TMED3: variants seen among roughly 807,000 people sequenced by gnomAD.
TMED3 encodes the protein transmembrane p24 trafficking protein 3.
In TMED3, 9 loss-of-function variants were observed where a neutral mutation model predicts 15.0. The observed-to-expected ratio is 0.60, with a 90% CI of 0.36 to 1.04. The LOEUF (loss-of-function observed/expected upper bound fraction) is 1.04. Ranked by LOEUF, TMED3 falls within the 50% of genes least tolerant of loss-of-function variation. TMED3 has a pLI of 0.01. For missense variants in TMED3, 267 were observed against 278.9 expected, an observed-to-expected ratio of 0.96 and a Z score of 0.30; for synonymous variants, 117 against 121.4, an observed-to-expected ratio of 0.96 and a Z score of 0.24.
At chr15:79,327,869 A>G (rs1043007647) in intron 2 of TMED3, among the ~76,000 whole-genome samples, 1 of 152,244 alleles carries the variant, frequency 6.6e-6, no homozygotes, top group Non-Finnish European at 1.5e-5. Context: ...AGCCTTCTAA[A>G]ATAAAATAGA....
At chr15:79,375,638 G>A (rs1893410923) in intron 2 of TMED3, among the ~76,000 whole-genome samples, 1 of 152,056 alleles carries the variant, frequency 6.6e-6, no homozygotes, top group Non-Finnish European at 1.5e-5. Flanking sequence ...GAGGGAGGAG[G>A]TGCCACATAC....
At chr15:79,377,538 G>A (rs955980046) in intron 2 of TMED3, among the ~76,000 whole-genome samples, 2 of 151,874 alleles carry the variant, frequency 1.3e-5, no homozygotes, top group Non-Finnish European at 2.9e-5. Context: ...ATCTACCATA[G>A]TGCATAGATT....
chr15:79,412,717 C>A (rs1484678180), exon 3 of TMED3: 1 of 152,540 alleles, frequency 6.6e-6, no homozygotes, highest in East Asian at 1.9e-4. Context: ...GAGCATGCAC[C>A]CTGCTGCGCT....
intron 2 of TMED3, among the ~76,000 whole-genome samples, chr15:79,384,903 CT>C (rs1223186156): frequency 6.6e-6 from 1 of 152,112 alleles, no homozygotes; most frequent in African/African-American, 2.4e-5. Flanking sequence ...TTAGAAGCAG[CT>C]GCAGTCCGTG....
intron 2 of TMED3, among the ~76,000 whole-genome samples, chr15:79,379,621 G>A (rs1367009405): frequency 6.6e-6 from 1 of 152,072 alleles, no homozygotes; most frequent in Non-Finnish European, 1.5e-5. Context: ...GGTATATGAG[G>A]CATTTATTTG....
At chr15:79,333,436 C>T (rs558327188) in intron 2 of TMED3, among the ~76,000 whole-genome samples, 4 of 152,300 alleles carry the variant, frequency 2.6e-5, no homozygotes, top group Non-Finnish European at 5.9e-5. Flanking sequence ...CCTAATATAA[C>T]GCTAGACATA....
intron 2 of TMED3, among the ~76,000 whole-genome samples, chr15:79,328,492 C>T (rs534293225): frequency 2.6e-5 from 4 of 152,166 alleles, no homozygotes; most frequent in Non-Finnish European, 4.4e-5. Flanking sequence ...ACCTGGGACG[C>T]GACCTTTGGT....
chr15:79,327,221 T>C (rs2058790611), downstream of TMED3, among the ~76,000 whole-genome samples: 1 of 152,208 alleles, frequency 6.6e-6, no homozygotes, highest in African/African-American at 2.4e-5. Context: ...AGTGGGTCCC[T>C]AGCCCCTTCT....
chr15:79,366,491 G>A (rs941841407), intron 2 of TMED3, among the ~76,000 whole-genome samples: 7 of 152,180 alleles, frequency 4.6e-5, no homozygotes, highest in African/African-American at 1.7e-4. Flanking sequence ...TAACTTCCAT[G>A]GCTGTTGTTA....
rs534917361 is a variant in TMED3, at chr15:79,336,846, ATAGATATT to A, written c.417+22843_417+22850del. 3.3e-5 allele frequency among the ~76,000 whole-genome samples: 5 copies of A among 152,380 alleles called. No homozygotes were observed. The South Asian group carries it at 8.3e-4, about 25-fold the overall frequency. On this transcript the variant is annotated intron_variant, in intron 2 of 2. Coordinates refer to the TMED3 transcript ENST00000424155. ...CGATTGACTTATAAAATAGAGGGAC[ATAGATATT>A]TCCAGTACATGAAACACTCAGGACA... is the stretch of plus-strand genomic sequence containing the variant.
intron 2 of TMED3, among the ~76,000 whole-genome samples, chr15:79,404,550 G>A (rs1251504592): frequency 6.6e-6 from 1 of 152,186 alleles, no homozygotes; most frequent in African/African-American, 2.4e-5. Context: ...TTCTTTGTGG[G>A]CATTCATGTG....
chr15:79,324,030 G>A (rs774952367), downstream of TMED3, among the ~76,000 whole-genome samples: 16 of 151,922 alleles, frequency 1.1e-4, no homozygotes, highest in Admixed American at 3.3e-4. Flanking sequence ...TCACTCTGTC[G>A]CCCAGGCTGG....
At chr15:79,410,261 T>A (rs576527935) in intron 2 of TMED3, among the ~76,000 whole-genome samples, 26 of 152,182 alleles carry the variant, frequency 1.7e-4, no homozygotes, top group Non-Finnish European at 4.4e-5. Context: ...ATATTATAGA[T>A]TCATAGAAAA....
At chr15:79,349,158 A>G (rs2058882085) in intron 2 of TMED3, among the ~76,000 whole-genome samples, 1 of 152,206 alleles carries the variant, frequency 6.6e-6, no homozygotes, top group Non-Finnish European at 1.5e-5. Flanking sequence ...TTTTGATGAT[A>G]GCCATTCTAA....
In TMED3 at chr15:79,364,662, G is replaced by A. The variant is rs141308661; in HGVS notation, c.418-46738G>A. Among the ~76,000 whole-genome samples, 31 of 151,870 alleles carry A rather than the reference G, an allele frequency of 2.0e-4. No homozygotes were observed. In the East Asian group the frequency reaches 5.7e-3, roughly 28 times the overall value. On this transcript the variant is annotated intron_variant, in intron 2 of 2. Coordinates refer to the TMED3 transcript ENST00000424155. The stretch of plus-strand genomic sequence containing the variant: ...GAAACACGCAGATGAATGGTGGAAC[G>A]ACACAGCAGAGAAAGAGAGAAGAGG...
In TMED3 at chr15:79,320,352, AAACT is replaced by A. The variant is rs1012172168; in HGVS notation, c.418-1623_418-1620del. Among the ~76,000 whole-genome samples, 254 of 151,734 alleles carry A rather than the reference AAACT, an allele frequency of 1.7e-3. 1 individual carries two copies. The highest frequency in any genetic ancestry group is 5.8e-3 in the African/African-American group (239 of 41,528). ...TATTGGAATAAAGAGTAATTGCCACAAACTAATGATTAATGATATTCATATATAA... is the reference window on the plus strand; with the variant it reads ...TATTGGAATAAAGAGTAATTGCCACAAATGATTAATGATATTCATATATAA... On this transcript the variant is annotated intron_variant, in intron 2 of 2. Coordinates refer to ENST00000299705, the MANE Select transcript of TMED3 (RefSeq NM_007364.4).
intron 2 of TMED3, among the ~76,000 whole-genome samples, chr15:79,317,129 G>T (rs767455956): frequency 2.0e-5 from 3 of 152,170 alleles, no homozygotes; most frequent in African/African-American, 7.2e-5. Flanking sequence ...CTGTTGCTCC[G>T]TTACCCTCTT....
At chr15:79,343,439 T>C (rs1157665042) in intron 2 of TMED3, among the ~76,000 whole-genome samples, 1 of 152,256 alleles carries the variant, frequency 6.6e-6, no homozygotes, top group Admixed American at 6.5e-5. Context: ...TAATATATGC[T>C]CTTTCATTTT....
At chr15:79,324,139 C>T (rs1390308062), downstream of TMED3, among the ~76,000 whole-genome samples, 1 of 152,090 alleles carries the variant, frequency 6.6e-6, no homozygotes, top group Admixed American at 6.6e-5. Context: ...TACAGGCACC[C>T]GCCACCACGC....
Sources: allele counts gnomAD v4.1 joint callset (sites outside exome capture counted in the v4.1 genomes callset), GRCh38; gene constraint gnomAD v4.1.1; transcripts MANE v1.5; gene names NCBI Gene and HGNC (gene_info 2026-07-23, HGNC 2026-07-21).